Variants in LRP1B observed in about 807,000 individuals in gnomAD.
The protein encoded by LRP1B is LDL receptor related protein 1B.
LRP1B carries 217 observed loss-of-function variants against 556.6 expected under a neutral mutation model. The observed-to-expected ratio is 0.39, with a 90% CI of 0.35 to 0.44. The LOEUF is 0.44. LRP1B is among the 20% of genes least tolerant of loss of function. LRP1B has a pLI of 1.00. For missense variants in LRP1B, 5,053 were observed against 5,620.8 expected, an observed-to-expected ratio of 0.90 and a Z score of 3.23; for synonymous variants, 2,047 against 1,865.8, an observed-to-expected ratio of 1.10 and a Z score of -2.50.
chr2:141,285,706 T>G (rs1487734414), intron 3 of LRP1B, among the ~76,000 whole-genome samples: 2 of 146,620 alleles, frequency 1.4e-5, no homozygotes, highest in East Asian at 4.3e-4. Context: ...TCCGCCCACC[T>G]CGGCCTCCCA....
intron 2 of LRP1B, among the ~76,000 whole-genome samples, chr2:141,598,809 C>A (rs1305337066): frequency 1.3e-5 from 2 of 151,818 alleles, no homozygotes; most frequent in East Asian, 3.9e-4. Flanking sequence ...GTGTACAGAA[C>A]CCAGAGAAAG....
At chr2:141,379,772 A>G (rs1416366382) in intron 3 of LRP1B, among the ~76,000 whole-genome samples, 2 of 152,098 alleles carry the variant, frequency 1.3e-5, no homozygotes, top group Non-Finnish European at 2.9e-5. Context: ...ATAAAAAGAC[A>G]GTTTTAAACA....
At chr2:140,990,138 C>A (rs1820846) in intron 16 of LRP1B, among the ~76,000 whole-genome samples, 1 of 151,624 alleles carries the variant, frequency 6.6e-6, no homozygotes, top group Admixed American at 6.6e-5. Context: ...ACCCAAGAGG[C>A]GGAGGTTGCA....
chr2:142,108,876 G>T (rs566800025), intron 1 of LRP1B, among the ~76,000 whole-genome samples: 35 of 152,262 alleles, frequency 2.3e-4, no homozygotes, highest in Admixed American at 5.2e-4. Context: ...CCACACACCT[G>T]AGACCTAGTT....
At chr2:142,040,252 T>C (rs2105213618) in intron 1 of LRP1B, among the ~76,000 whole-genome samples, 1 of 151,610 alleles carries the variant, frequency 6.6e-6, no homozygotes, top group South Asian at 2.1e-4. Context: ...ATACTATGCT[T>C]AAAATACTTT....
At chr2:141,440,865 C>G (rs1356615206) in intron 3 of LRP1B, among the ~76,000 whole-genome samples, 2 of 152,156 alleles carry the variant, frequency 1.3e-5, no homozygotes, top group African/African-American at 4.8e-5. Flanking sequence ...TCCCATCCCT[C>G]CACCACACAC....
chr2:141,912,917 C>A (rs569212354), intron 1 of LRP1B, among the ~76,000 whole-genome samples: 155 of 152,284 alleles, frequency 1.0e-3, no homozygotes, highest in African/African-American at 3.5e-3. Context: ...ACATGTTTAA[C>A]TCTATGTCTT....
At chr2:141,544,334 C>CTTCTTCTTCTTCTTCTTCTTCTTCTTCTT (rs1685430130) in intron 2 of LRP1B, among the ~76,000 whole-genome samples, 8 of 66,442 alleles carry the variant, frequency 1.2e-4, no homozygotes, top group East Asian at 5.6e-4. Flanking sequence ...TCTTCTTCTT[C>CTTCTTCTTCTTCTTCTTCTTCTTCTTCTT]TTCTTCTTCT....
chr2:140,415,263 T>C (rs929897331), intron 66 of LRP1B, among the ~76,000 whole-genome samples: 1 of 149,956 alleles, frequency 6.7e-6, no homozygotes, highest in Admixed American at 6.6e-5. Flanking sequence ...CTTGTGATCT[T>C]TGTTGGACCC....
chr2:140,416,786 C>T (rs754312362), intron 66 of LRP1B, among the ~76,000 whole-genome samples: 3 of 152,148 alleles, frequency 2.0e-5, no homozygotes, highest in Non-Finnish European at 4.4e-5. Context: ...GAATCCAAAA[C>T]TTATTTTAGT....
At chr2:141,548,875 C>T (rs1332754502) in intron 2 of LRP1B, among the ~76,000 whole-genome samples, 1 of 151,952 alleles carries the variant, frequency 6.6e-6, no homozygotes, top group Non-Finnish European at 1.5e-5. Flanking sequence ...GAATCTGCTA[C>T]CCAGACTTTA....
intron 4 of LRP1B, among the ~76,000 whole-genome samples, chr2:141,254,227 A>G (rs1684375900): frequency 6.6e-6 from 1 of 152,166 alleles, no homozygotes; most frequent in African/African-American, 2.4e-5. Context: ...TATAACAGCC[A>G]TACAACATAT....
intron 2 of LRP1B, among the ~76,000 whole-genome samples, chr2:141,656,655 T>C (rs1270947170): frequency 3.3e-5 from 5 of 152,148 alleles, no homozygotes; most frequent in African/African-American, 9.7e-5. Context: ...AATATGAATG[T>C]TTGCTTTTAA....
chr2:141,611,829 C>T (rs1026976453), intron 2 of LRP1B, among the ~76,000 whole-genome samples: 1 of 152,158 alleles, frequency 6.6e-6, no homozygotes, highest in African/African-American at 2.4e-5. Context: ...ATGAAAAGGT[C>T]TGATAAGCCT....
intron 2 of LRP1B, among the ~76,000 whole-genome samples, chr2:141,544,894 G>T (rs1204781412): frequency 6.6e-6 from 1 of 151,926 alleles, no homozygotes; most frequent in African/African-American, 2.4e-5. Context: ...TCAAACTCCT[G>T]GGCTCAAGAT....
chr2:141,231,860 C>T (rs1017145578), intron 5 of LRP1B, among the ~76,000 whole-genome samples: 4 of 151,876 alleles, frequency 2.6e-5, no homozygotes, highest in Non-Finnish European at 5.9e-5. Context: ...CAAAAATAAC[C>T]CAAAAAAGCC....
At chr2:141,180,560 G>A (rs1004364626) in intron 7 of LRP1B, among the ~76,000 whole-genome samples, 3 of 151,822 alleles carry the variant, frequency 2.0e-5, no homozygotes, top group African/African-American at 7.2e-5. Context: ...GCTTCCAAAA[G>A]TGCTGGAGAA....
chr2:142,061,518 G>A (rs181076914), intron 1 of LRP1B, among the ~76,000 whole-genome samples: 1 of 152,100 alleles, frequency 6.6e-6, no homozygotes, highest in East Asian at 1.9e-4. Flanking sequence ...ACACAAGGTA[G>A]TGCAGCAAAC....
At chr2:140,658,830 G>A (rs74679208) in intron 41 of LRP1B, among the ~76,000 whole-genome samples, 9,229 of 152,058 alleles carry the variant, frequency 0.061, 320 homozygotes, top group Admixed American at 0.079. Context: ...TACTTACAGT[G>A]AGCTGGAAAT....
Sources: allele counts gnomAD v4.1 joint callset (sites outside exome capture counted in the v4.1 genomes callset), GRCh38; gene constraint gnomAD v4.1.1; transcripts MANE v1.5; gene names NCBI Gene and HGNC (gene_info 2026-07-23, HGNC 2026-07-21).